RGS7: variants seen among roughly 807,000 people sequenced by gnomAD.
RGS7 encodes the protein regulator of G-protein signaling 7.
RGS7 carries 27 observed loss-of-function variants against 81.1 expected under a neutral mutation model. The observed-to-expected ratio is 0.33, with a 90% confidence interval of 0.25 to 0.46. The LOEUF (loss-of-function observed/expected upper bound fraction) is 0.46, where lower values mean the gene tolerates loss of function less well. RGS7 is among the 20% of genes least tolerant of loss of function. RGS7 has a pLI of 1.00. For missense variants in RGS7, 396 were observed against 607.4 expected (o/e 0.65, Z 3.66); for synonymous variants, 208 against 207.7 (o/e 1.00, Z -0.01).
At chr1:240,808,035 C>CAAAAAA (rs34236519) in intron 14 of RGS7, among the ~76,000 whole-genome samples, 1 of 66,588 alleles carries the variant, frequency 1.5e-5, no homozygotes, top group Admixed American at 1.7e-4. Flanking sequence ...AACTTCATCT[C>CAAAAAA]AAAAAAAAAA....
intron 6 of RGS7, among the ~76,000 whole-genome samples, chr1:240,918,544 G>A (rs1218741218): frequency 1.3e-5 from 2 of 152,018 alleles, no homozygotes; most frequent in African/African-American, 4.8e-5. Context: ...AGTATTTCAA[G>A]CTAAATGAAA....
At chr1:241,212,441 G>A (rs867940959) in intron 2 of RGS7, among the ~76,000 whole-genome samples, 2 of 152,108 alleles carry the variant, frequency 1.3e-5, no homozygotes, top group Non-Finnish European at 2.9e-5. Context: ...TCTTATTAGC[G>A]TATGCATTTT....
chr1:241,071,893 A>C (rs1357439674), intron 3 of RGS7, among the ~76,000 whole-genome samples: 1 of 149,180 alleles, frequency 6.7e-6, no homozygotes, highest in African/African-American at 2.5e-5. Flanking sequence ...AAAAAAAAAA[A>C]AACAAGAAAG....
intron 2 of RGS7, among the ~76,000 whole-genome samples, chr1:241,270,820 G>A (rs985182349): frequency 4.6e-5 from 7 of 150,702 alleles, no homozygotes; most frequent in South Asian, 2.1e-4. Flanking sequence ...TCCAGTTGGC[G>A]CCATCTTGGT....
chr1:241,213,525 T>C (rs2074373104), intron 2 of RGS7, among the ~76,000 whole-genome samples: 1 of 152,210 alleles, frequency 6.6e-6, no homozygotes, highest in Non-Finnish European at 1.5e-5. Flanking sequence ...CTCTTTTTTG[T>C]ATTAGTCTTT....
chr1:240,786,740 A>G (rs1344284098), intron 18 of RGS7, among the ~76,000 whole-genome samples: 1 of 152,222 alleles, frequency 6.6e-6, no homozygotes, highest in Non-Finnish European at 1.5e-5. Context: ...AATGTGTCAA[A>G]TATGGGTATC....
chr1:241,108,976 GA>G (rs1294431623), intron 2 of RGS7, among the ~76,000 whole-genome samples: 2 of 151,822 alleles, frequency 1.3e-5, no homozygotes, highest in African/African-American at 4.8e-5. Flanking sequence ...TCTCTTATAC[GA>G]ACTCCTTACC....
intron 2 of RGS7, among the ~76,000 whole-genome samples, chr1:241,278,593 A>T (rs1442792136): frequency 6.6e-6 from 1 of 152,202 alleles, no homozygotes; most frequent in Non-Finnish European, 1.5e-5. Flanking sequence ...AGAGCTCACA[A>T]CTATGGCAAT....
chr1:241,329,005 T>C lies in RGS7; in HGVS notation c.78+26694A>G, dbSNP rs74150264. Among the ~76,000 whole-genome samples the C allele has an allele frequency of 5.6e-3, 858 of 152,322 alleles. 11 individuals carry two copies. The highest frequency in any genetic ancestry group is 0.019 in the African/African-American group (807 of 41,568). ...CATTACCACTCACCGTCACAAATAA[T>C]GTTTTCTTTCATTTTCCATATGGGC... On this transcript the variant is annotated intron_variant, in intron 2 of 18. Coordinates refer to ENST00000440928, the MANE Select transcript of RGS7 (RefSeq NM_001364886.1).
At chr1:241,000,095 G>C (rs1013880870) in intron 3 of RGS7, among the ~76,000 whole-genome samples, 2 of 152,106 alleles carry the variant, frequency 1.3e-5, no homozygotes, top group African/African-American at 4.8e-5. Context: ...CAGAAGTCTC[G>C]ATGCTCCCTT....
rs59041386 is a variant in RGS7, at chr1:240,796,829, C to G, written c.*6+3812G>C. Among the ~76,000 whole-genome samples, 1,275 of 152,242 alleles carry G rather than the reference C, an allele frequency of 8.4e-3. 72 individuals are homozygous for G. In the East Asian group the frequency reaches 0.16, roughly 19 times the overall value. On this transcript the variant is annotated intron_variant, in intron 18 of 18. Coordinates refer to ENST00000440928, the MANE Select transcript of RGS7 (RefSeq NM_001364886.1). ...AGTCCCCAGAGCACAGTTAGGAGCT[C>G]AATCCACCAGCACAAATACACCAGG... is the stretch of plus-strand genomic sequence containing the variant.
intron 3 of RGS7, among the ~76,000 whole-genome samples, chr1:241,043,517 GAT>G (rs2060735397): frequency 6.8e-6 from 1 of 147,502 alleles, no homozygotes; most frequent in Non-Finnish European, 1.5e-5. Context: ...ACTATGATAT[GAT>G]ATTAATACAT....
At chr1:241,064,411 C>T (rs56094893) in intron 3 of RGS7, among the ~76,000 whole-genome samples, 5,109 of 142,038 alleles carry the variant, frequency 0.036, 135 homozygotes, top group Non-Finnish European at 0.049. Context: ...GATAGAGAGA[C>T]CCAGTCTCTA....
chr1:240,943,263 C>G (rs1436014210), intron 4 of RGS7, among the ~76,000 whole-genome samples: 1 of 152,198 alleles, frequency 6.6e-6, no homozygotes, highest in Non-Finnish European at 1.5e-5. Context: ...AGGTTCACAT[C>G]CCGGGTCCCT....
At chr1:240,936,913 A>G (rs1345174847) in intron 4 of RGS7, among the ~76,000 whole-genome samples, 1 of 152,046 alleles carries the variant, frequency 6.6e-6, no homozygotes, top group Admixed American at 6.6e-5. Flanking sequence ...AACTTCTCCT[A>G]CCAGTCCCAG....
intron 4 of RGS7, among the ~76,000 whole-genome samples, chr1:240,964,565 T>C (rs960843658): frequency 3.9e-5 from 6 of 152,158 alleles, no homozygotes; most frequent in Non-Finnish European, 8.8e-5. Flanking sequence ...GGTGTAATGA[T>C]TTCTTTAATG....
intron 9 of RGS7, among the ~76,000 whole-genome samples, chr1:240,842,939 G>C (rs1156346555): frequency 6.6e-6 from 1 of 152,016 alleles, no homozygotes; most frequent in Non-Finnish European, 1.5e-5. Context: ...TAGGCGGGTG[G>C]ATCACCTGAG....
intron 2 of RGS7, among the ~76,000 whole-genome samples, chr1:241,301,752 TAA>T (rs1462570687): frequency 6.6e-6 from 1 of 152,242 alleles, no homozygotes; most frequent in Non-Finnish European, 1.5e-5. Flanking sequence ...TGTAATCTCT[TAA>T]AAGTTTTCTA....
chr1:241,204,327 A>C (rs912468125), intron 2 of RGS7, among the ~76,000 whole-genome samples: 3 of 152,220 alleles, frequency 2.0e-5, no homozygotes, highest in African/African-American at 7.2e-5. Context: ...TTGCTCACCA[A>C]GTTCTAGAGA....
Sources: allele counts gnomAD v4.1 joint callset (sites outside exome capture counted in the v4.1 genomes callset), GRCh38; gene constraint gnomAD v4.1.1; transcripts MANE v1.5; gene names NCBI Gene and HGNC (gene_info 2026-07-23, HGNC 2026-07-21).